The following BPIFB4 variants were observed in gnomAD, a reference collection of about 807,000 sequenced individuals.
BPIFB4 encodes BPI fold-containing family B member 4.
BPIFB4 carries 62 observed loss-of-function variants against 69.2 expected under a neutral mutation model. The observed-to-expected ratio is 0.90, with a 90% CI of 0.73 to 1.11. The LOEUF is 1.11. Among genes scored for constraint, BPIFB4 ranks in the 50% least tolerant of loss-of-function variants. The pLI, the probability that BPIFB4 is intolerant of heterozygous loss-of-function variation, is 0.00. For synonymous variants in BPIFB4, 330 were observed against 332.7 expected, an observed-to-expected ratio of 0.99 and a Z score of 0.09; for missense variants, 789 against 792.0, an observed-to-expected ratio of 1.00 and a Z score of 0.04.
At chr20:33,091,672 G>C (rs1981604397) in intron 10 of BPIFB4, among the ~76,000 whole-genome samples, 1 of 152,260 alleles carries the variant, frequency 6.6e-6, no homozygotes, top group Non-Finnish European at 1.5e-5. Context: ...GTCACCCGCT[G>C]TATGCCTGAG....
chr20:33,085,873 G>A lies in BPIFB4; in HGVS notation c.783-148G>A, dbSNP rs1310148404. On this transcript the variant is annotated intron_variant, in intron 6 of 17. Transcript: ENST00000375483. ...AGACTTGTTCACGTGTGACTTGAGG[G>A]ACCAGGGAAGAGTTCTGGGTTGGGT... 7 of 921,990 alleles carry A rather than the reference G, an allele frequency of 7.6e-6. No individual in the cohort carries two copies. In the East Asian group the frequency reaches 1.5e-4, roughly 19 times the overall value. 57.1% of individuals were successfully genotyped at this position (921,990 alleles called of 1,614,324 possible). A position where few individuals can be genotyped will look rare whatever the true frequency, so the allele number is the denominator to read the frequency against.
intron 13 of BPIFB4, 74 bp downstream of exon 13, chr20:33,097,861 G>C (rs1981799453): frequency 7.0e-7 from 1 of 1,438,502 alleles, no homozygotes; most frequent in African/African-American, 1.4e-5. Flanking sequence ...GGAGCCCAAA[G>C]ACCCCTTCAA....
intron 10 of BPIFB4, among the ~76,000 whole-genome samples, chr20:33,092,083 G>A (rs1278734591): frequency 6.6e-6 from 1 of 152,102 alleles, no homozygotes; most frequent in Non-Finnish European, 1.5e-5. Flanking sequence ...AGAGTGGCTT[G>A]GAGGCTGGAG....
At chr20:33,088,919 C>T in intron 7 of BPIFB4, 47 bp from the exon 8 acceptor site, 1 of 1,612,146 alleles carries the variant, frequency 6.2e-7, no homozygotes, top group Non-Finnish European at 8.5e-7. Context: ...CTTGGTGAGC[C>T]CCACATGGCT....
At chr20:33,097,475 G>A in intron 12 of BPIFB4, 142 bp from the exon 13 acceptor site, 2 of 850,348 alleles carry the variant, frequency 2.4e-6, no homozygotes, top group Non-Finnish European at 3.7e-6. Context: ...AGTTCTCACA[G>A]TGGGTCATTG....
rs1981278931 is a variant in BPIFB4 at position 33,082,941 on chromosome 20, T to A, written c.110T>A (p.Ile37Asn). 6.2e-7 allele frequency: 1 copy of A among 1,613,032 alleles called. No individual in the cohort carries two copies. Among genetic ancestry groups the A allele is most frequent in the Non-Finnish European group, 8.5e-7 (1 of 1,179,280 alleles). Residue 37 changes from isoleucine (I) to asparagine (N), a missense_variant, in exon 4 of 18, where the codon ATT becomes AAT. Around this residue, in one of 3 missense-constraint regions of BPIFB4, gnomAD observed 611 missense variants for 575.4 expected, o/e 1.06. Coordinates refer to ENST00000375483, the MANE Select transcript of BPIFB4 (RefSeq NM_182519.3). ...RVTKDVLSNAISGMLQQSDAL... is the reference protein window; with the variant it reads ...RVTKDVLSNANSGMLQQSDAL... ...TGATGCCCTTGCCTCTCTGCAGCCA[T>A]TTCAGGCATGCTGCAGCAAAGTGAT...
intron 9 of BPIFB4, 41 bp from the exon 10 acceptor site, chr20:33,090,667 T>G (rs1004327437): frequency 1.2e-6 from 2 of 1,610,228 alleles, no homozygotes; most frequent in African/African-American, 2.7e-5. Flanking sequence ...GGCATCTGGA[T>G]GGTGAGGGGA....
intron 15 of BPIFB4, among the ~76,000 whole-genome samples, chr20:33,104,228 A>G (rs1981981811): frequency 6.6e-6 from 1 of 152,172 alleles, no homozygotes; most frequent in African/African-American, 2.4e-5. Flanking sequence ...CTGTTTTCAG[A>G]TGTGGAAACC....
intron 11 of BPIFB4, 100 bp downstream of exon 11, chr20:33,092,758 G>A: frequency 8.6e-7 from 1 of 1,162,032 alleles, no homozygotes; most frequent in African/African-American, 1.5e-5. Context: ...TGTGAAGTGA[G>A]AACTGCAGAT....
chr20:33,095,913 CT>C (rs1166759845), intron 12 of BPIFB4, among the ~76,000 whole-genome samples: 6 of 152,186 alleles, frequency 3.9e-5, no homozygotes, highest in Non-Finnish European at 8.8e-5. Flanking sequence ...GGTCCCATGT[CT>C]GGTTCTGGGC....
intron 8 of BPIFB4, 30 bp from the exon 9 acceptor site, chr20:33,089,468 A>C: frequency 6.2e-7 from 1 of 1,614,176 alleles, no homozygotes; most frequent in Non-Finnish European, 8.5e-7. Context: ...TGCAGCGTCA[A>C]CAAGGCTTTG....
At chr20:33,103,138 C>T (rs1053517812) in intron 15 of BPIFB4, 124 bp downstream of exon 15, 4 of 1,055,244 alleles carry the variant, frequency 3.8e-6, no homozygotes, top group Non-Finnish European at 5.9e-6. Context: ...CAAAGTGCTC[C>T]CGTCAACACT....
chr20:33,084,089 T>C (rs1051091870), intron 5 of BPIFB4, among the ~76,000 whole-genome samples: 39 of 152,162 alleles, frequency 2.6e-4, no homozygotes, highest in African/African-American at 8.9e-4. Context: ...CAGCTTTTCA[T>C]GTTTGCGTGT....
At chr20:33,106,372 C>CTTTCTT in intron 16 of BPIFB4, among the ~76,000 whole-genome samples, 1 of 91,174 alleles carries the variant, frequency 1.1e-5, no homozygotes, top group Non-Finnish European at 2.6e-5. Flanking sequence ...CAGCTCTTTT[C>CTTTCTT]TTTCTTTTTT....
chr20:33,088,280 G>A (rs1600555276), intron 7 of BPIFB4, among the ~76,000 whole-genome samples: 2 of 150,668 alleles, frequency 1.3e-5, no homozygotes, highest in Non-Finnish European at 2.9e-5. Context: ...GTTCAAGGCT[G>A]CAGTGAGCGG....
At chr20:33,092,808 T>TC in intron 11 of BPIFB4, 150 bp downstream of exon 11, 1 of 716,458 alleles carries the variant, frequency 1.4e-6, no homozygotes. Context: ...TGGGTGTGCG[T>TC]CAATTACGTC....
chr20:33,091,991 G>A (rs1401616705), intron 10 of BPIFB4, among the ~76,000 whole-genome samples: 1 of 152,098 alleles, frequency 6.6e-6, no homozygotes, highest in Non-Finnish European at 1.5e-5. Context: ...AATATCCTGT[G>A]GGAAGGCTCC....
In BPIFB4 at chr20:33,089,516, G is replaced by C. The variant is rs371383458; in HGVS notation, c.1009G>C (p.Val337Leu). 6.2e-7 allele frequency: 1 copy of C among 1,614,140 alleles called. No homozygotes were observed. Among genetic ancestry groups the C allele is most frequent in the Non-Finnish European group, 8.5e-7 (1 of 1,180,046 alleles). The change falls in exon 9 of 18, where the codon GTG becomes CTG. Residue 337 changes from valine to leucine, a missense_variant. Physicochemically the swap from Val to Leu is conservative, Grantham distance 32. Around this residue, in one of 3 missense-constraint regions of BPIFB4, gnomAD observed 611 missense variants for 575.4 expected, o/e 1.06. Coordinates refer to ENST00000375483, the MANE Select transcript of BPIFB4 (RefSeq NM_182519.3). ...LPDLLCPIVD[V>L]VLGLVNDQLG... ...CCTGCAGCTCTGCCCCATCGTGGATGTGGTGCTGGGTCTTGTCAATGACCA... is the reference window on the plus strand; with the variant it reads ...CCTGCAGCTCTGCCCCATCGTGGATCTGGTGCTGGGTCTTGTCAATGACCA...
At chr20:33,109,101 T>C (rs1014147060) in intron 17 of BPIFB4, among the ~76,000 whole-genome samples, 5 of 152,176 alleles carry the variant, frequency 3.3e-5, no homozygotes, top group African/African-American at 7.2e-5. Context: ...GCCCAGTCTC[T>C]TGAGATCCTG....
Sources: allele counts gnomAD v4.1 joint callset (sites outside exome capture counted in the v4.1 genomes callset), GRCh38; gene constraint gnomAD v4.1.1; regional missense constraint gnomAD v4.1.1; transcripts MANE v1.5; gene names NCBI Gene and HGNC (gene_info 2026-07-23, HGNC 2026-07-21).